Variants in LRRC4C observed in about 807,000 individuals in gnomAD.
LRRC4C encodes leucine rich repeat containing 4C.
Under a neutral mutation model 33.6 loss-of-function variants are expected in LRRC4C, and 5 were observed. The observed-to-expected ratio is 0.15, with a 90% CI of 0.08 to 0.31. The LOEUF is 0.31. LRRC4C is among the 10% of genes least tolerant of loss of function. The pLI is 1.00. For missense variants in LRRC4C, 560 were observed against 796.7 expected, an observed-to-expected ratio of 0.70 and a Z score of 3.58; for synonymous variants, 329 against 302.0, an observed-to-expected ratio of 1.09 and a Z score of -0.93.
chr11:40,589,169 G>C (rs1958912533), intron 3 of LRRC4C, among the ~76,000 whole-genome samples: 2 of 151,910 alleles, frequency 1.3e-5, no homozygotes, highest in Non-Finnish European at 2.9e-5. Flanking sequence ...TCCTGTATTG[G>C]GTGCATATAT....
intron 3 of LRRC4C, among the ~76,000 whole-genome samples, chr11:40,360,275 A>T (rs1947887410): frequency 6.6e-6 from 1 of 152,130 alleles, no homozygotes; most frequent in Admixed American, 6.6e-5. Flanking sequence ...TAGAAAGGCA[A>T]AGAAGGCTAG....
chr11:41,214,789 A>ATG (rs978068944), intron 1 of LRRC4C, among the ~76,000 whole-genome samples: 4 of 144,286 alleles, frequency 2.8e-5, no homozygotes, highest in African/African-American at 1.0e-4. Flanking sequence ...ACATATATAT[A>ATG]TGTGTGTATA....
At chr11:41,447,853 A>G (rs745620107) in intron 1 of LRRC4C, among the ~76,000 whole-genome samples, 2 of 152,174 alleles carry the variant, frequency 1.3e-5, no homozygotes, top group Non-Finnish European at 2.9e-5. Flanking sequence ...ATATTGTACA[A>G]ATACTTGTGT....
intron 3 of LRRC4C, among the ~76,000 whole-genome samples, chr11:40,479,884 G>A (rs537749644): frequency 3.3e-5 from 5 of 152,154 alleles, no homozygotes; most frequent in Non-Finnish European, 5.9e-5. Context: ...TTGTAACATT[G>A]GGAAACCTTA....
intron 5 of LRRC4C, among the ~76,000 whole-genome samples, chr11:40,194,591 G>A (rs1006058061): frequency 6.6e-6 from 1 of 151,708 alleles, no homozygotes; most frequent in African/African-American, 2.4e-5. Context: ...GGGCACAGTG[G>A]GGGGAACATC....
At chr11:40,741,214 G>T (rs975608907) in intron 2 of LRRC4C, among the ~76,000 whole-genome samples, 1 of 152,046 alleles carries the variant, frequency 6.6e-6, no homozygotes, top group African/African-American at 2.4e-5. Context: ...ATTTGGGGAA[G>T]AGAGATGAGT....
intron 3 of LRRC4C, among the ~76,000 whole-genome samples, chr11:40,386,954 T>G (rs1404399121): frequency 6.6e-6 from 1 of 152,154 alleles, no homozygotes; most frequent in African/African-American, 2.4e-5. Context: ...ATATCATATA[T>G]ATCAGTGTCT....
At chr11:41,135,623 C>G (rs1206791638) in intron 1 of LRRC4C, among the ~76,000 whole-genome samples, 1 of 152,090 alleles carries the variant, frequency 6.6e-6, no homozygotes, top group Admixed American at 6.6e-5. Flanking sequence ...GATAGTGTTA[C>G]TATGCTGAGT....
chr11:41,436,318 G>GT, intron 1 of LRRC4C, among the ~76,000 whole-genome samples: 1 of 152,312 alleles, frequency 6.6e-6, no homozygotes, highest in Non-Finnish European at 1.5e-5. Flanking sequence ...TGACAATTCT[G>GT]TTAAGATAAA....
intron 2 of LRRC4C, among the ~76,000 whole-genome samples, chr11:40,916,889 G>A (rs1956985855): frequency 1.3e-5 from 2 of 151,952 alleles, no homozygotes; most frequent in South Asian, 4.1e-4. Flanking sequence ...TATTATCAAT[G>A]TTACATGAAT....
intron 3 of LRRC4C, among the ~76,000 whole-genome samples, chr11:40,528,779 T>C (rs1421465194): frequency 6.6e-6 from 1 of 152,108 alleles, no homozygotes; most frequent in Non-Finnish European, 1.5e-5. Flanking sequence ...ATGTGATATA[T>C]ACAAACAATG....
At chr11:40,955,923 T>C (rs1254097612) in intron 1 of LRRC4C, among the ~76,000 whole-genome samples, 1 of 151,854 alleles carries the variant, frequency 6.6e-6, no homozygotes, top group African/African-American at 2.4e-5. Context: ...TCAAGTTCCA[T>C]AGGGACACTA....
At chr11:40,546,167 A>T (rs1956915937) in intron 3 of LRRC4C, among the ~76,000 whole-genome samples, 3 of 128,246 alleles carry the variant, frequency 2.3e-5, no homozygotes, top group Non-Finnish European at 3.3e-5. Flanking sequence ...TAATTTACTT[A>T]TTTTCTATGC....
At chr11:40,214,493 A>T (rs1182668482) in intron 5 of LRRC4C, among the ~76,000 whole-genome samples, 1 of 152,132 alleles carries the variant, frequency 6.6e-6, no homozygotes, top group Non-Finnish European at 1.5e-5. Context: ...AATACTCCCT[A>T]ATTCATTTGT....
At chr11:41,219,321 A>G (rs893507976) in intron 1 of LRRC4C, among the ~76,000 whole-genome samples, 13 of 152,200 alleles carry the variant, frequency 8.5e-5, no homozygotes, top group African/African-American at 2.9e-4. Flanking sequence ...CACCCTTGGC[A>G]TCTGCACAGT....
chr11:40,858,567 T>C (rs971809209), intron 2 of LRRC4C, among the ~76,000 whole-genome samples: 1 of 151,700 alleles, frequency 6.6e-6, no homozygotes. Flanking sequence ...TGGTGTTGCA[T>C]GCCTGTAACA....
chr11:40,958,195 T>C (rs1379518650), intron 1 of LRRC4C, among the ~76,000 whole-genome samples: 1 of 151,742 alleles, frequency 6.6e-6, no homozygotes. Context: ...CTGTTGCTTA[T>C]GAGCCACTCA....
intron 2 of LRRC4C, among the ~76,000 whole-genome samples, chr11:40,893,299 C>T (rs112641708): frequency 1.5e-4 from 23 of 151,866 alleles, no homozygotes; most frequent in African/African-American, 5.6e-4. Context: ...ACAATGAATA[C>T]CATCTAGTAT....
chr11:40,304,062 T>C (rs1026114240), intron 4 of LRRC4C, among the ~76,000 whole-genome samples: 7 of 152,250 alleles, frequency 4.6e-5, no homozygotes, highest in East Asian at 1.9e-4. Flanking sequence ...AAATACAACA[T>C]TGAAAAAATG....
Sources: allele counts gnomAD v4.1 joint callset (sites outside exome capture counted in the v4.1 genomes callset), GRCh38; gene constraint gnomAD v4.1.1; transcripts MANE v1.5; gene names NCBI Gene and HGNC (gene_info 2026-07-23, HGNC 2026-07-21).